MSRA: variants seen among roughly 807,000 people sequenced by gnomAD.
The protein encoded by MSRA is methionine sulfoxide reductase A, also known as mitochondrial peptide methionine sulfoxide reductase.
In MSRA, 54 loss-of-function variants were observed where a neutral mutation model predicts 31.3. That is an observed-to-expected ratio of 1.73 (90% CI 1.39 to 2.17). The LOEUF (loss-of-function observed/expected upper bound fraction) is 2.17. MSRA is among the 30% of genes most tolerant of loss of function. The probability of loss-of-function intolerance (pLI) is 0.00; values close to 1 mark genes in which losing one functional copy is unlikely to be tolerated. For synonymous variants in MSRA, 169 were observed against 116.5 expected (o/e 1.45, Z -2.90); for missense variants, 507 against 300.9 (o/e 1.69, Z -5.07).
intron 1 of MSRA, among the ~76,000 whole-genome samples, chr8:10,167,305 T>C (rs1375429440): frequency 6.6e-6 from 1 of 152,210 alleles, no homozygotes; most frequent in Non-Finnish European, 1.5e-5. Context: ...CCATTTCTGT[T>C]GTGCTGAAAA....
intron 2 of MSRA, among the ~76,000 whole-genome samples, chr8:10,213,700 TACC>T (rs151060527): frequency 0.016 from 2,418 of 152,182 alleles, 63 homozygotes; most frequent in African/African-American, 0.054. Flanking sequence ...CCTCCCCAGG[TACC>T]ACATTTTCTT....
intron 3 of MSRA, among the ~76,000 whole-genome samples, chr8:10,265,489 T>G (rs1029245512): frequency 1.3e-5 from 2 of 152,176 alleles, no homozygotes; most frequent in Admixed American, 1.3e-4. Flanking sequence ...GGGTAGGAAA[T>G]AGAAACTCAA....
intron 5 of MSRA, among the ~76,000 whole-genome samples, chr8:10,331,957 C>A (rs1802726933): frequency 6.6e-6 from 1 of 152,102 alleles, no homozygotes; most frequent in South Asian, 2.1e-4. Flanking sequence ...ATACGGAGGG[C>A]CGACTGTATC....
At chr8:10,219,657 T>C (rs1162343670) in intron 2 of MSRA, among the ~76,000 whole-genome samples, 4 of 151,674 alleles carry the variant, frequency 2.6e-5, no homozygotes, top group Non-Finnish European at 5.9e-5. Flanking sequence ...ATACAAAAAA[T>C]TAGCTGGGCG....
At chr8:10,078,308 A>G (rs1798098930) in intron 1 of MSRA, among the ~76,000 whole-genome samples, 1 of 152,182 alleles carries the variant, frequency 6.6e-6, no homozygotes, top group Non-Finnish European at 1.5e-5. Context: ...AGAGACCAGG[A>G]TGGAAGCTGA....
intron 5 of MSRA, among the ~76,000 whole-genome samples, chr8:10,409,716 C>G (rs113136853): frequency 0.01 from 1,549 of 152,308 alleles, 28 homozygotes; most frequent in African/African-American, 0.036. Context: ...TCCTTGTCTC[C>G]CAGAAACACA....
chr8:10,341,362 G>A (rs1803415835), intron 5 of MSRA, among the ~76,000 whole-genome samples: 1 of 152,026 alleles, frequency 6.6e-6, no homozygotes, highest in Admixed American at 6.6e-5. Flanking sequence ...GTTGGGGGGA[G>A]GTGCCACACG....
In MSRA at chr8:10,210,534, G is replaced by C. The variant is rs553728914; in HGVS notation, c.211+2633G>C. Reference sequence around the variant, plus strand: ...AGTAGCCTTTGCTGGGAGAATACTGGTTGGAGCAAGATCTCCTACGGCTAT... The same window carrying C: ...AGTAGCCTTTGCTGGGAGAATACTGCTTGGAGCAAGATCTCCTACGGCTAT... On this transcript the variant is annotated intron_variant, in intron 2 of 5. Transcript: ENST00000317173. 3.9e-5 allele frequency among the ~76,000 whole-genome samples: 6 copies of C among 152,298 alleles called. No individual in the cohort carries two copies. The South Asian group carries it at 8.3e-4, about 21-fold the overall frequency.
intron 5 of MSRA, among the ~76,000 whole-genome samples, chr8:10,426,093 T>C (rs547481946): frequency 1.1e-4 from 16 of 152,292 alleles, no homozygotes; most frequent in African/African-American, 3.8e-4. Flanking sequence ...AGGCAAATGC[T>C]AGCGATGGTT....
intron 5 of MSRA, among the ~76,000 whole-genome samples, chr8:10,403,553 G>A (rs554729587): frequency 9.6e-4 from 146 of 152,250 alleles, no homozygotes; most frequent in African/African-American, 2.5e-3. Context: ...GGTGGTCCGC[G>A]GCACTGAAGA....
intron 5 of MSRA, among the ~76,000 whole-genome samples, chr8:10,340,877 G>C (rs1803384924): frequency 6.6e-6 from 1 of 152,228 alleles, no homozygotes. Flanking sequence ...TGTCTTCACA[G>C]AAAGAACAGT....
chr8:10,257,883 C>T (rs941838104), intron 3 of MSRA, among the ~76,000 whole-genome samples: 1 of 152,182 alleles, frequency 6.6e-6, no homozygotes, highest in Non-Finnish European at 1.5e-5. Context: ...CAGGTCAGCG[C>T]AGCAGAGAGG....
intron 5 of MSRA, among the ~76,000 whole-genome samples, chr8:10,394,518 T>G (rs1355996773): frequency 6.6e-6 from 1 of 152,260 alleles, no homozygotes; most frequent in Non-Finnish European, 1.5e-5. Flanking sequence ...ACAGCCCTTT[T>G]CTCTATATCA....
intron 1 of MSRA, among the ~76,000 whole-genome samples, chr8:10,146,051 A>C (rs1803112971): frequency 6.6e-6 from 1 of 152,204 alleles, no homozygotes; most frequent in Non-Finnish European, 1.5e-5. Context: ...ACTACATGCA[A>C]ACAGTGCGCT....
rs547527442 is a variant in MSRA at position 10,056,439 on chromosome 8, C to G, written c.142+1781C>G. Among the ~76,000 whole-genome samples, 9 of 152,028 alleles carry G rather than the reference C, an allele frequency of 5.9e-5. No individual in the cohort carries two copies. The East Asian group carries it at 1.5e-3, about 26-fold the overall frequency. ...ACTTTTAACTGCAAAACCTCAGGACCTGGTTCTTTTCCAGGCTCTGCTGTC... is the reference window on the plus strand; with the variant it reads ...ACTTTTAACTGCAAAACCTCAGGACGTGGTTCTTTTCCAGGCTCTGCTGTC... On this transcript the variant is annotated intron_variant, in intron 1 of 5. Coordinates refer to ENST00000317173, the MANE Select transcript of MSRA (RefSeq NM_012331.5).
At chr8:10,120,960 C>A (rs1000865191) in intron 1 of MSRA, among the ~76,000 whole-genome samples, 2 of 152,130 alleles carry the variant, frequency 1.3e-5, no homozygotes, top group African/African-American at 4.8e-5. Context: ...AATTTAATTA[C>A]GTTTTAAGTG....
chr8:10,351,850 A>T (rs558391905), intron 5 of MSRA, among the ~76,000 whole-genome samples: 1 of 152,190 alleles, frequency 6.6e-6, no homozygotes. Flanking sequence ...GCTTTTCCTA[A>T]TAAACTCCCA....
chr8:10,401,475 A>C (rs1807459374), intron 5 of MSRA, among the ~76,000 whole-genome samples: 1 of 152,200 alleles, frequency 6.6e-6, no homozygotes, highest in South Asian at 2.1e-4. Flanking sequence ...GGAATGGTAA[A>C]TGGTACAGCC....
intron 5 of MSRA, among the ~76,000 whole-genome samples, chr8:10,418,484 A>C (rs1339635453): frequency 2.0e-5 from 3 of 152,106 alleles, no homozygotes; most frequent in African/African-American, 7.2e-5. Context: ...GGGGCAGCTC[A>C]GTTCATAGGA....
Sources: gnomAD v4.1 joint callset for allele counts (sites outside exome capture counted in the v4.1 genomes callset) on GRCh38, gnomAD v4.1.1 for gene constraint, MANE v1.5 for transcripts, NCBI Gene and HGNC (gene_info 2026-07-23, HGNC 2026-07-21) for gene names.